NEBL: variants seen among roughly 807,000 people sequenced by gnomAD.
NEBL encodes the protein nebulette, also known as LIM and SH3 protein 2.
Under a neutral mutation model 140.2 loss-of-function variants are expected in NEBL, and 122 were observed. The ratio of observed to expected loss-of-function variants is 0.87; its 90% confidence interval spans 0.75 to 1.01. The LOEUF (loss-of-function observed/expected upper bound fraction) is 1.01. Among genes scored for constraint, NEBL ranks in the 50% least tolerant of loss-of-function variants. The pLI, the probability that NEBL is intolerant of heterozygous loss-of-function variation, is 0.00. For missense variants in NEBL, 1,365 were observed against 1,231.3 expected, an observed-to-expected ratio of 1.11 and a Z score of -1.62; for synonymous variants, 436 against 398.9, an observed-to-expected ratio of 1.09 and a Z score of -1.11.
chr10:21,028,088 A>G (rs1023147339), intron 2 of NEBL, among the ~76,000 whole-genome samples: 2 of 151,688 alleles, frequency 1.3e-5, no homozygotes, highest in Non-Finnish European at 2.9e-5. Context: ...TTAGCCAGGC[A>G]TGATAGCACA....
At chr10:21,277,337 T>C (rs368727694) in intron 1 of NEBL, among the ~76,000 whole-genome samples, 1 of 151,900 alleles carries the variant, frequency 6.6e-6, no homozygotes, top group East Asian at 1.9e-4. Flanking sequence ...GCTTTCCAAG[T>C]AGCTGGGATT....
intron 3 of NEBL, among the ~76,000 whole-genome samples, chr10:21,213,563 A>G (rs1400229233): frequency 6.6e-6 from 1 of 152,192 alleles, no homozygotes; most frequent in Non-Finnish European, 1.5e-5. Context: ...TTTGCTAATG[A>G]ATAGCCAGGA....
chr10:20,901,274 G>A (rs1564433995), upstream of NEBL, among the ~76,000 whole-genome samples: 2 of 152,014 alleles, frequency 1.3e-5, no homozygotes, highest in Admixed American at 1.3e-4. Flanking sequence ...ATGTTTACAC[G>A]TAAGCAAATG....
chr10:20,852,863 G>A (rs560693142), intron 9 of NEBL, among the ~76,000 whole-genome samples: 31 of 152,262 alleles, frequency 2.0e-4, no homozygotes, highest in South Asian at 4.2e-4. Context: ...TATGAAACAC[G>A]CAAGAGAGGC....
intron 2 of NEBL, among the ~76,000 whole-genome samples, chr10:21,249,527 C>A (rs1842561338): frequency 6.6e-6 from 1 of 151,722 alleles, no homozygotes; most frequent in African/African-American, 2.4e-5. Context: ...CTATTTCACC[C>A]ATTTTGAGTT....
At chr10:20,991,390 C>A (rs543091894) in intron 3 of NEBL, among the ~76,000 whole-genome samples, 1 of 152,050 alleles carries the variant, frequency 6.6e-6, no homozygotes, top group East Asian at 1.9e-4. Flanking sequence ...AATTGACAAT[C>A]AATTTAGTCA....
At chr10:20,843,086 G>C (rs578123041) in intron 12 of NEBL, among the ~76,000 whole-genome samples, 1 of 152,052 alleles carries the variant, frequency 6.6e-6, no homozygotes, top group South Asian at 2.1e-4. Flanking sequence ...TTGAAGGTGG[G>C]ACCTTTGGGA....
intron 3 of NEBL, among the ~76,000 whole-genome samples, chr10:21,191,349 A>G (rs1428674984): frequency 3.9e-5 from 6 of 152,238 alleles, no homozygotes; most frequent in South Asian, 2.1e-4. Context: ...CACACAGTGT[A>G]TAAGTAACTT....
intron 4 of NEBL, among the ~76,000 whole-genome samples, chr10:20,935,863 C>T (rs1240450797): frequency 2.0e-5 from 3 of 152,070 alleles, no homozygotes; most frequent in African/African-American, 7.2e-5. Flanking sequence ...GCCCAACTTC[C>T]ACTCTTATCA....
chr10:21,058,848 G>A (rs1184944490), intron 2 of NEBL, among the ~76,000 whole-genome samples: 1 of 152,052 alleles, frequency 6.6e-6, no homozygotes, highest in Admixed American at 6.6e-5. Flanking sequence ...TTAACTATAG[G>A]TACAAAACAT....
At chr10:21,223,421 G>A (rs375568256) in intron 3 of NEBL, among the ~76,000 whole-genome samples, 1 of 152,106 alleles carries the variant, frequency 6.6e-6, no homozygotes, top group South Asian at 2.1e-4. Flanking sequence ...TTGTATATAT[G>A]TACCACATTT....
At chr10:21,186,917 T>C (rs1841481503) in intron 3 of NEBL, among the ~76,000 whole-genome samples, 1 of 152,076 alleles carries the variant, frequency 6.6e-6, no homozygotes, top group African/African-American at 2.4e-5. Flanking sequence ...GCTTTTTTTC[T>C]GAATATTTTT....
At chr10:20,949,994 C>T (rs994202849) in intron 4 of NEBL, among the ~76,000 whole-genome samples, 7 of 152,176 alleles carry the variant, frequency 4.6e-5, no homozygotes, top group African/African-American at 1.4e-4. Context: ...TAGTATGACT[C>T]GTGTTCAATT....
intron 2 of NEBL, among the ~76,000 whole-genome samples, chr10:21,033,794 A>G (rs1315820312): frequency 6.6e-6 from 1 of 151,936 alleles, no homozygotes; most frequent in Non-Finnish European, 1.5e-5. Context: ...TAAAATATCA[A>G]TATCTCACTT....
chr10:20,819,281 T>C, intron 20 of NEBL, 143 bp downstream of exon 20: 1 of 1,344,498 alleles, frequency 7.4e-7, no homozygotes, highest in South Asian at 1.2e-5. Context: ...TGTATTCTCA[T>C]CATTTAGCTC....
At chr10:20,843,554 A>G (rs1217614446) in intron 12 of NEBL, among the ~76,000 whole-genome samples, 1 of 152,056 alleles carries the variant, frequency 6.6e-6, no homozygotes, top group Non-Finnish European at 1.5e-5. Context: ...CCTTTAAAAA[A>G]TTAACATAAA....
chr10:21,264,291 C>A (rs933632611), intron 1 of NEBL, among the ~76,000 whole-genome samples: 9 of 151,958 alleles, frequency 5.9e-5, no homozygotes, highest in African/African-American at 2.2e-4. Flanking sequence ...TCATCTGCCC[C>A]TACCACGGTG....
At chr10:20,791,851 C>A (rs951679972) in intron 26 of NEBL, among the ~76,000 whole-genome samples, 14 of 152,030 alleles carry the variant, frequency 9.2e-5, no homozygotes, top group African/African-American at 2.9e-4. Flanking sequence ...ACGCAGAGTG[C>A]GTGAAAGAAG....
In NEBL at chr10:20,869,698, G is replaced by C. The variant is rs867456239; in HGVS notation, c.582+42C>G. The C allele has an allele frequency of 2.1e-6, 3 of 1,400,054 alleles. No homozygotes were observed. In the Middle Eastern group the frequency reaches 5.3e-4, roughly 248 times the overall value. The allele number at this position is 1,400,054 out of a possible 1,614,324, so 86.7% of individuals were successfully genotyped here. ...AAGCTATGCTTTGCCTCCTACAAAA[G>C]TAAGAAATCATTTCCGTTCAAGGTT... is the stretch of plus-strand genomic sequence containing the variant. On this transcript the variant is annotated intron_variant, in intron 6 of 27. Coordinates refer to ENST00000377122, the MANE Select transcript of NEBL (RefSeq NM_006393.3).
Sources: allele counts gnomAD v4.1 joint callset (sites outside exome capture counted in the v4.1 genomes callset), GRCh38; gene constraint gnomAD v4.1.1; transcripts MANE v1.5; gene names NCBI Gene and HGNC (gene_info 2026-07-23, HGNC 2026-07-21).